The following PPFIBP2 variants were observed in gnomAD, a reference collection of about 807,000 sequenced individuals.
PPFIBP2 encodes the protein liprin-beta-2.
Under a neutral mutation model 118.3 loss-of-function variants are expected in PPFIBP2, and 118 were observed. The ratio of observed to expected loss-of-function variants is 1.00; its 90% CI spans 0.86 to 1.16. The LOEUF (loss-of-function observed/expected upper bound fraction) is 1.16. PPFIBP2 is among the 50% of genes most tolerant of loss of function. PPFIBP2 has a pLI of 0.00. For synonymous variants in PPFIBP2, 414 were observed against 397.4 expected (o/e 1.04, Z -0.50); for missense variants, 1,195 against 1,073.1 (o/e 1.11, Z -1.59).
At chr11:7,530,433 G>A (rs1850588465) in intron 1 of PPFIBP2, among the ~76,000 whole-genome samples, 1 of 152,202 alleles carries the variant, frequency 6.6e-6, no homozygotes, top group South Asian at 2.1e-4. Context: ...GATGGTATTA[G>A]GAGGTGGGGC....
intron 2 of PPFIBP2, among the ~76,000 whole-genome samples, chr11:7,554,679 G>A (rs913576591): frequency 6.6e-6 from 1 of 152,118 alleles, no homozygotes; most frequent in Non-Finnish European, 1.5e-5. Context: ...GTGAGAGAGA[G>A]AAATTGGTTC....
At chr11:7,655,434 T>A (rs1369904360), downstream of PPFIBP2, 1 of 1,289,756 alleles carries the variant, frequency 7.8e-7, no homozygotes, top group Admixed American at 2.3e-5. Context: ...ATTTTACAGA[T>A]GGCACCTTCG....
chr11:7,634,600 G>A (rs1447035510), intron 13 of PPFIBP2, 48 bp downstream of exon 13: 12 of 1,463,490 alleles, frequency 8.2e-6, no homozygotes, highest in Non-Finnish European at 1.2e-5. Flanking sequence ...ACTTTTTTGG[G>A]CCTAGCATAG....
At chr11:7,544,182 C>A (rs1236071261) in intron 1 of PPFIBP2, among the ~76,000 whole-genome samples, 2 of 152,144 alleles carry the variant, frequency 1.3e-5, no homozygotes, top group African/African-American at 4.8e-5. Flanking sequence ...CATACCCTGC[C>A]TTATCTTTAT....
intron 5 of PPFIBP2, among the ~76,000 whole-genome samples, chr11:7,602,938 A>G (rs911467295): frequency 2.6e-5 from 4 of 152,168 alleles, no homozygotes; most frequent in South Asian, 4.1e-4. Context: ...TGGACTCTGT[A>G]TTGCCTACCT....
At chr11:7,636,206 C>G (rs1403449777) in intron 14 of PPFIBP2, among the ~76,000 whole-genome samples, 3 of 152,132 alleles carry the variant, frequency 2.0e-5, no homozygotes, top group African/African-American at 7.2e-5. Context: ...CCTTCTCTGT[C>G]CCCTGCCTCC....
chr11:7,666,563 C>A, the PPFIBP2 span: 4 of 1,602,586 alleles, frequency 2.5e-6, no homozygotes, highest in South Asian at 3.3e-5. Context: ...AGAAAAGAAG[C>A]AACACTGAAA....
chr11:7,626,576 T>G (rs1206785405), intron 8 of PPFIBP2, among the ~76,000 whole-genome samples: 2 of 152,246 alleles, frequency 1.3e-5, no homozygotes, highest in Non-Finnish European at 2.9e-5. Flanking sequence ...TTTGGCCCAT[T>G]GTAGGATCCT....
At chr11:7,632,799 G>A in intron 11 of PPFIBP2, 68 bp from the exon 12 acceptor site, 2 of 1,261,074 alleles carry the variant, frequency 1.6e-6, no homozygotes, top group Non-Finnish European at 1.2e-6. Flanking sequence ...ATGTGAAGCA[G>A]GGGGAAAGAT....
intron 1 of PPFIBP2, among the ~76,000 whole-genome samples, chr11:7,544,772 TAAAA>T (rs1194860244): frequency 4.4e-4 from 38 of 86,144 alleles, no homozygotes; most frequent in African/African-American, 1.1e-3. Context: ...AGACTCCATC[TAAAA>T]AAAAAAAAAA....
intron 1 of PPFIBP2, among the ~76,000 whole-genome samples, chr11:7,529,311 G>A (rs1850480665): frequency 6.6e-6 from 1 of 152,184 alleles, no homozygotes; most frequent in South Asian, 2.1e-4. Context: ...AGCTGAATGG[G>A]AAATGGAGTT....
chr11:7,593,506 C>A (rs972666546), intron 4 of PPFIBP2, among the ~76,000 whole-genome samples: 3 of 152,194 alleles, frequency 2.0e-5, no homozygotes, highest in Non-Finnish European at 2.9e-5. Flanking sequence ...AGGCTGATTT[C>A]CAGGTGCTAA....
chr11:7,531,901 T>C (rs1850723371), intron 1 of PPFIBP2, among the ~76,000 whole-genome samples: 1 of 152,074 alleles, frequency 6.6e-6, no homozygotes, highest in Non-Finnish European at 1.5e-5. Context: ...AGTGGCACGA[T>C]CTTGGCTCAC....
At chr11:7,615,569 C>G (rs1434686688) in intron 6 of PPFIBP2, among the ~76,000 whole-genome samples, 1 of 152,156 alleles carries the variant, frequency 6.6e-6, no homozygotes, top group Admixed American at 6.5e-5. Context: ...GAGTAGCAAC[C>G]TATTTGTTAG....
intron 1 of PPFIBP2, among the ~76,000 whole-genome samples, chr11:7,541,975 A>G (rs1433076272): frequency 1.3e-5 from 2 of 152,134 alleles, no homozygotes; most frequent in African/African-American, 4.8e-5. Context: ...AGAACATCTA[A>G]TTCATTACGG....
intron 17 of PPFIBP2, among the ~76,000 whole-genome samples, chr11:7,647,144 A>G (rs1853213020): frequency 6.6e-6 from 1 of 152,172 alleles, no homozygotes; most frequent in Non-Finnish European, 1.5e-5. Flanking sequence ...TCACTTTAAC[A>G]ACAGCTCAAC....
At chr11:7,629,322 G>C (rs1795132892) in intron 9 of PPFIBP2, 137 bp from the exon 10 acceptor site, 1 of 788,330 alleles carries the variant, frequency 1.3e-6, no homozygotes, top group Non-Finnish European at 2.1e-6. Flanking sequence ...CTGTGGAATG[G>C]GGCCTGGACA....
In PPFIBP2 at chr11:7,616,533, A is replaced by G. The variant is rs1487340795; in HGVS notation, c.619-4402A>G. Among the ~76,000 whole-genome samples the G allele has an allele frequency of 2.0e-5, 3 of 152,220 alleles. No homozygotes were observed. The highest frequency in any genetic ancestry group is 6.5e-5 in the Admixed American group (1 of 15,292). On this transcript the variant is annotated intron_variant, in intron 6 of 23. Coordinates refer to ENST00000299492, the MANE Select transcript of PPFIBP2 (RefSeq NM_003621.5). This position sits in a 1 kb window ranked among gnomAD's most constrained non-coding sequence, Gnocchi z 5.2. ...GGTAGACCAGGTAAATCCACATTTC[A>G]GTGAAGTGTTGCAAAAACGTTGCTT...
rs1333984558 is a variant in PPFIBP2, at chr11:7,514,074, G to T, written c.-84G>T. 6.6e-6 allele frequency: 1 copy of T among 152,318 alleles called. No homozygotes were observed. The highest frequency in any genetic ancestry group is 1.5e-5 in the Non-Finnish European group (1 of 68,110). The allele number at this position is 152,318 out of a possible 1,614,324, so 9.4% of individuals were successfully genotyped here. ...TGAAGGTGGGAGGGACACGGGAGCG[G>T]CCCGCACACCTGAGCCGCCCGGAGA... On this transcript the variant is annotated 5_prime_UTR_variant, in exon 1 of 24. Coordinates refer to ENST00000299492, the MANE Select transcript of PPFIBP2 (RefSeq NM_003621.5).
Sources: allele counts gnomAD v4.1 joint callset (sites outside exome capture counted in the v4.1 genomes callset), GRCh38; gene constraint gnomAD v4.1.1; non-coding constraint Gnocchi (gnomAD v3.1); transcripts MANE v1.5; gene names NCBI Gene and HGNC (gene_info 2026-07-23, HGNC 2026-07-21).